INO80D: variants seen among roughly 807,000 people sequenced by gnomAD.
INO80D encodes the protein INO80 complex subunit D.
INO80D carries 21 observed loss-of-function variants against 87.6 expected under a neutral mutation model. That is an observed-to-expected ratio of 0.24 (90% CI 0.17 to 0.35). The LOEUF is 0.35. INO80D is among the 10% of genes least tolerant of loss of function. The pLI is 1.00. For synonymous variants in INO80D, 440 were observed against 491.0 expected, an observed-to-expected ratio of 0.90 and a Z score of 1.37; for missense variants, 982 against 1,280.7, an observed-to-expected ratio of 0.77 and a Z score of 3.56.
At chr2:206,080,665 T>C (rs1314615731) in intron 1 of INO80D, among the ~76,000 whole-genome samples, 4 of 151,956 alleles carry the variant, frequency 2.6e-5, no homozygotes, top group African/African-American at 9.7e-5. Context: ...CCCAGCACTT[T>C]GGGAGGCCAA....
At position 206,000,292 on chromosome 2, in the gene INO80D, T is replaced by C. The variant is rs1687886346; in HGVS notation, c.*4076A>G. The stretch of plus-strand genomic sequence containing the variant: ...TGTTCATATACTCATCTTTTTGCAA[T>C]ACCAACCCATAGCGACCTTCTGAAC... On this transcript the variant is annotated 3_prime_UTR_variant, in exon 11 of 11. Transcript: ENST00000403263. The C allele has an allele frequency of 6.6e-6, 1 of 151,770 alleles. No individual in the cohort carries two copies. Among genetic ancestry groups the C allele is most frequent in the Admixed American group, 6.6e-5 (1 of 15,216 alleles). 9.4% of individuals were successfully genotyped at this position (151,770 alleles called of 1,614,324 possible). A position where few individuals can be genotyped will look rare whatever the true frequency, so the allele number is the denominator to read the frequency against.
At chr2:206,027,772 A>C (rs1688656046) in intron 6 of INO80D, among the ~76,000 whole-genome samples, 1 of 152,182 alleles carries the variant, frequency 6.6e-6, no homozygotes. Flanking sequence ...AACATAAAAT[A>C]CTACTTTTGT....
intron 1 of INO80D, among the ~76,000 whole-genome samples, chr2:206,081,768 A>G (rs925319092): frequency 8.2e-5 from 12 of 147,160 alleles, no homozygotes; most frequent in African/African-American, 2.2e-4. Context: ...AAAAAAAAAA[A>G]AAAGAAAGAA....
At chr2:206,047,856 A>ATTTT (rs1175389682) in intron 4 of INO80D, among the ~76,000 whole-genome samples, 1 of 139,480 alleles carries the variant, frequency 7.2e-6, no homozygotes. Flanking sequence ...ATTTCTTTCA[A>ATTTT]TTTTTTTTTT....
intron 1 of INO80D, among the ~76,000 whole-genome samples, chr2:206,075,375 T>C (rs1050553788): frequency 4.6e-5 from 7 of 152,178 alleles, no homozygotes; most frequent in Non-Finnish European, 5.9e-5. Context: ...TTTTCTCTAA[T>C]TGCCATCTGT....
At position 206,004,573 on chromosome 2, in the gene INO80D, G is replaced by A. The variant is rs1439630019; in HGVS notation, c.2879C>T (p.Ala960Val). The A allele has an allele frequency of 6.2e-7, 1 of 1,611,054 alleles. No homozygotes were observed. Among genetic ancestry groups the A allele is most frequent in the Admixed American group, 1.7e-5 (1 of 59,428 alleles). Residue 960 changes from alanine to valine, a missense_variant, in exon 11 of 11, where the codon GCT becomes GTT. Ala to Val is a moderately conservative substitution (Grantham distance 64, BLOSUM62 0). Coordinates refer to ENST00000403263, the MANE Select transcript of INO80D (RefSeq NM_017759.5). The surrounding 1 kb of genome is among the most constrained non-coding windows in gnomAD (Gnocchi z 4.9). ...GGGAGAGGTGGAGGCCATTAGTTCA[G>A]CAGAAGGCCCCATGCCACTGAAGCT... ...QTSFSGMGPS[A>V]ELMASTSPKQ...
At chr2:206,053,643 G>A (rs1192695989) in intron 4 of INO80D, among the ~76,000 whole-genome samples, 1 of 152,036 alleles carries the variant, frequency 6.6e-6, no homozygotes, top group African/African-American at 2.4e-5. Context: ...TTAACAGTCT[G>A]GAAGTATATA....
At chr2:206,060,687 A>G (rs966180087) in intron 3 of INO80D, among the ~76,000 whole-genome samples, 4 of 151,502 alleles carry the variant, frequency 2.6e-5, no homozygotes, top group Middle Eastern at 3.2e-3. Flanking sequence ...CAGTCTCCCG[A>G]GCAGCTGGGA....
chr2:206,007,667 C>T (rs1220737145), intron 9 of INO80D, among the ~76,000 whole-genome samples: 4 of 151,910 alleles, frequency 2.6e-5, no homozygotes, highest in Non-Finnish European at 5.9e-5. Flanking sequence ...ACTAAGAATA[C>T]AAAAATTAGC....
chr2:206,061,186 A>AT (rs1379102527), intron 3 of INO80D, among the ~76,000 whole-genome samples: 2 of 151,830 alleles, frequency 1.3e-5, no homozygotes, highest in Non-Finnish European at 2.9e-5. Context: ...TAATTTTTGT[A>AT]TTTTTTGTAG....
intron 1 of INO80D, among the ~76,000 whole-genome samples, chr2:206,073,917 C>A (rs1289766289): frequency 2.6e-5 from 4 of 151,950 alleles, no homozygotes; most frequent in African/African-American, 9.7e-5. Context: ...CACTATGTTG[C>A]CCAGCTGGTC....
In INO80D at chr2:205,994,190, G is replaced by C. The variant is rs1575778655; in HGVS notation, c.*10178C>G. 1 of 152,132 alleles carries C rather than the reference G, an allele frequency of 6.6e-6. No individual in the cohort carries two copies. The highest frequency in any genetic ancestry group is 1.5e-5 in the Non-Finnish European group (1 of 68,032). The allele number at this position is 152,132 out of a possible 1,614,324, so 9.4% of individuals were successfully genotyped here. Reference sequence around the variant, plus strand: ...CAGAAACAAGTGGCTCCTAACTTTTGTGCATATAATTAAACTCCCAGCCAC... The same window carrying C: ...CAGAAACAAGTGGCTCCTAACTTTTCTGCATATAATTAAACTCCCAGCCAC... On this transcript the variant is annotated 3_prime_UTR_variant, in exon 11 of 11. Coordinates refer to ENST00000403263, the MANE Select transcript of INO80D (RefSeq NM_017759.5).
At position 206,061,280 on chromosome 2, in the gene INO80D, G is replaced by C. The variant is rs1269490564; in HGVS notation, c.218+1519C>G. On this transcript the variant is annotated intron_variant, in intron 3 of 10. Transcript: ENST00000403263. ...ACCGCCTTAGCCTCCAAAAGTGCTG[G>C]GATTACAGGCGTGAGCCATCACACC... 2.6e-5 allele frequency among the ~76,000 whole-genome samples: 4 copies of C among 152,086 alleles called. No individual in the cohort carries two copies. In the East Asian group the frequency reaches 7.7e-4, roughly 29 times the overall value.
chr2:206,024,939 A>G (rs1367260357), intron 6 of INO80D, among the ~76,000 whole-genome samples: 3 of 151,970 alleles, frequency 2.0e-5, no homozygotes, highest in Non-Finnish European at 2.9e-5. Context: ...TGTTTTTAGT[A>G]GAGACAAGGC....
At chr2:206,040,025 A>T (rs1158497439) in intron 5 of INO80D, among the ~76,000 whole-genome samples, 1 of 151,188 alleles carries the variant, frequency 6.6e-6, no homozygotes, top group African/African-American at 2.4e-5. Context: ...AGGCGCGGTG[A>T]CTCACACCTG....
intron 4 of INO80D, among the ~76,000 whole-genome samples, chr2:206,049,133 G>A (rs1258550873): frequency 6.6e-6 from 1 of 152,128 alleles, no homozygotes; most frequent in African/African-American, 2.4e-5. Context: ...TTCATGGATT[G>A]CTTCCATAGT....
At position 206,019,790 on chromosome 2, in the gene INO80D, T is replaced by C. The variant is rs766243204; in HGVS notation, c.1354A>G (p.Lys452Glu). Residue 452 changes from lysine (K) to glutamate (E), a missense_variant, in exon 7 of 11, where the codon AAG becomes GAG. Lys to Glu is a moderately conservative substitution (Grantham distance 56). Transcript: ENST00000403263. Reference sequence around the variant, plus strand: ...GCTTTGTTAGCGCACTGTTCACCCTTCACGGTTCCACTGCATGCTGCTGGT... The same window carrying C: ...GCTTTGTTAGCGCACTGTTCACCCTCCACGGTTCCACTGCATGCTGCTGGT... ...VEPAACSGTVKGEQCANKALP... is the reference protein window; with the variant it reads ...VEPAACSGTVEGEQCANKALP... 6.2e-7 allele frequency: 1 copy of C among 1,613,952 alleles called. No individual in the cohort carries two copies. The highest frequency in any genetic ancestry group is 1.1e-5 in the South Asian group (1 of 91,044).
intron 1 of INO80D, among the ~76,000 whole-genome samples, chr2:206,080,444 T>C (rs1328040251): frequency 1.3e-5 from 2 of 152,192 alleles, no homozygotes; most frequent in Non-Finnish European, 2.9e-5. Context: ...CAGCAGAGAC[T>C]ATGCTAACAT....
At chr2:206,025,874 T>C (rs1301266540) in intron 6 of INO80D, among the ~76,000 whole-genome samples, 2 of 151,974 alleles carry the variant, frequency 1.3e-5, no homozygotes, top group African/African-American at 4.8e-5. Flanking sequence ...ATTTGAACTC[T>C]ATTTCCTTAA....
Sources: allele counts gnomAD v4.1 joint callset (sites outside exome capture counted in the v4.1 genomes callset), GRCh38; gene constraint gnomAD v4.1.1; non-coding constraint Gnocchi (gnomAD v3.1); transcripts MANE v1.5; gene names NCBI Gene and HGNC (gene_info 2026-07-23, HGNC 2026-07-21).